TEX14: variants seen among roughly 807,000 people sequenced by gnomAD.
TEX14 encodes inactive serine/threonine-protein kinase TEX14.
In TEX14, 168 loss-of-function variants were observed where a neutral mutation model predicts 178.6. The ratio of observed to expected loss-of-function variants is 0.94; its 90% CI spans 0.83 to 1.07. TEX14 has a LOEUF of 1.07. TEX14 is among the 50% of genes least tolerant of loss of function. TEX14 has a pLI of 0.00. For missense variants in TEX14, 1,730 were observed against 1,753.6 expected (o/e 0.99, Z 0.24); for synonymous variants, 626 against 634.1 (o/e 0.99, Z 0.19).
chr17:58,652,450 T>C (rs1206378161), intron 1 of TEX14, among the ~76,000 whole-genome samples: 1 of 152,134 alleles, frequency 6.6e-6, no homozygotes, highest in Non-Finnish European at 1.5e-5. Context: ...TTTCTTTTGC[T>C]CAGTACTTCT....
chr17:58,683,185 C>A (rs1402856773), intron 1 of TEX14, among the ~76,000 whole-genome samples: 1 of 151,260 alleles, frequency 6.6e-6, no homozygotes, highest in Admixed American at 6.6e-5. Flanking sequence ...CCAGCCTGGG[C>A]AACATAGCAA....
intron 9 of TEX14, among the ~76,000 whole-genome samples, chr17:58,611,839 TA>T (rs2045753122): frequency 6.6e-6 from 1 of 152,172 alleles, no homozygotes; most frequent in East Asian, 1.9e-4. Context: ...CCTGGCTGAC[TA>T]AAGTCTTAAT....
At chr17:58,605,503 G>A (rs553944013) in intron 10 of TEX14, among the ~76,000 whole-genome samples, 1 of 152,306 alleles carries the variant, frequency 6.6e-6, no homozygotes, top group South Asian at 2.1e-4. Flanking sequence ...TAGACAATGA[G>A]CTAGTCCACA....
chr17:58,685,213 C>G (rs2047570793), intron 1 of TEX14, among the ~76,000 whole-genome samples: 1 of 151,976 alleles, frequency 6.6e-6, no homozygotes, highest in Admixed American at 6.6e-5. Context: ...GTGGGTGGAT[C>G]ACCTGAGGTC....
intron 1 of TEX14, among the ~76,000 whole-genome samples, chr17:58,663,668 A>G (rs1193858520): frequency 6.6e-6 from 1 of 152,010 alleles, no homozygotes; most frequent in Non-Finnish European, 1.5e-5. Context: ...GGGTTTCACC[A>G]TGTTGGCCAG....
At chr17:58,691,636 C>CA (rs1233603225) in intron 1 of TEX14, among the ~76,000 whole-genome samples, 2 of 135,822 alleles carry the variant, frequency 1.5e-5, no homozygotes, top group African/African-American at 5.7e-5. Flanking sequence ...CACTGCACTC[C>CA]ATCATGGGCA....
chr17:58,627,117 G>A (rs1024964433), intron 3 of TEX14, among the ~76,000 whole-genome samples: 3 of 151,910 alleles, frequency 2.0e-5, no homozygotes, highest in Non-Finnish European at 4.4e-5. Flanking sequence ...CTGGACACTT[G>A]AAAAAGGGAA....
chr17:58,596,377 G>A (rs1350326314), intron 14 of TEX14, among the ~76,000 whole-genome samples: 1 of 152,030 alleles, frequency 6.6e-6, no homozygotes, highest in Non-Finnish European at 1.5e-5. Context: ...AACTTCCTGA[G>A]CTCAGGTGAT....
At chr17:58,596,274 T>G (rs1055997099) in intron 14 of TEX14, among the ~76,000 whole-genome samples, 1 of 152,254 alleles carries the variant, frequency 6.6e-6, no homozygotes, top group South Asian at 2.1e-4. Flanking sequence ...ATAAGTAAAT[T>G]CTTTGTGCCT....
rs1223236576 is a variant in TEX14, at chr17:58,572,094, C to T, written c.3544G>A (p.Asp1182Asn). ...TGAAATGTGATACTTTCAAGGCAGT[C>T]TTTATACTGACTGGCAGCTGAAGAA... The part of the protein sequence containing the change: ...SVSSAASQYK[D>N]CLESITFQVK... Residue 1182 changes from aspartate to asparagine, a missense_variant, in exon 24 of 32, where the codon GAC (aspartate) becomes AAC (asparagine). Transcript: ENST00000349033. 1.9e-6 allele frequency: 3 copies of T among 1,611,044 alleles called. No homozygotes were observed. In the South Asian group the frequency reaches 3.3e-5, roughly 18 times the overall value.
At chr17:58,566,407 T>G (rs2044399407) in intron 26 of TEX14, among the ~76,000 whole-genome samples, 1 of 152,218 alleles carries the variant, frequency 6.6e-6, no homozygotes, top group South Asian at 2.1e-4. Context: ...TTAATCTCTA[T>G]TTTATAGTCT....
At chr17:58,686,724 A>T (rs2047600180) in intron 1 of TEX14, among the ~76,000 whole-genome samples, 1 of 152,146 alleles carries the variant, frequency 6.6e-6, no homozygotes. Context: ...CTGCTAGTAT[A>T]TATGTCTGAG....
At chr17:58,624,717 T>C (rs1349668792) in intron 3 of TEX14, among the ~76,000 whole-genome samples, 2 of 152,272 alleles carry the variant, frequency 1.3e-5, no homozygotes, top group East Asian at 1.9e-4. Context: ...TCTTGGCCTT[T>C]TGGCTAAGAT....
At chr17:58,570,585 C>CACTCACAT in intron 24 of TEX14, 101 bp from the exon 25 acceptor site, 3 of 548,434 alleles carry the variant, frequency 5.5e-6, no homozygotes, top group South Asian at 4.7e-5. Flanking sequence ...AAGTCAAACT[C>CACTCACAT]ACTCACATGT....
chr17:58,661,600 C>T, intron 1 of TEX14: 1 of 713,842 alleles, frequency 1.4e-6, no homozygotes. Flanking sequence ...CAGCTGCCAT[C>T]TTGGGAAGGC....
chr17:58,670,658 AGCTACTTGAGAGGCT>A (rs2047288507), intron 1 of TEX14, among the ~76,000 whole-genome samples: 1 of 151,020 alleles, frequency 6.6e-6, no homozygotes, highest in South Asian at 2.1e-4. Flanking sequence ...CTGTAATCCC[AGCTACTTGAGAGGCT>A]GAGGCAGGAT....
At chr17:58,564,771 C>T in intron 28 of TEX14, 98 bp downstream of exon 28, 1 of 664,012 alleles carries the variant, frequency 1.5e-6, no homozygotes, top group Non-Finnish European at 2.4e-6. Context: ...AAAAAAGACC[C>T]CACTTTTTTT....
intron 19 of TEX14, among the ~76,000 whole-genome samples, 166 bp from the exon 20 acceptor site, chr17:58,579,897 G>C (rs2044770876): frequency 6.6e-6 from 1 of 152,152 alleles, no homozygotes; most frequent in South Asian, 2.1e-4. Flanking sequence ...GTACTTATTT[G>C]TATCATATGT....
At chr17:58,575,704 A>C (rs1724649118) in intron 21 of TEX14, among the ~76,000 whole-genome samples, 1 of 152,210 alleles carries the variant, frequency 6.6e-6, no homozygotes, top group Non-Finnish European at 1.5e-5. Flanking sequence ...GCAATCAAGG[A>C]AGCACAAAAA....
Sources: allele counts gnomAD v4.1 joint callset (sites outside exome capture counted in the v4.1 genomes callset), GRCh38; gene constraint gnomAD v4.1.1; transcripts MANE v1.5; gene names NCBI Gene and HGNC (gene_info 2026-07-23, HGNC 2026-07-21).